RBFOX1: variants seen among roughly 807,000 people sequenced by gnomAD.
RBFOX1 encodes RNA binding protein fox-1 homolog 1.
Under a neutral mutation model 57.7 loss-of-function variants are expected in RBFOX1, and 8 were observed. The observed-to-expected ratio is 0.14, with a 90% CI of 0.08 to 0.25. The LOEUF (loss-of-function observed/expected upper bound fraction) is 0.25. Among genes scored for constraint, RBFOX1 ranks in the 10% least tolerant of loss-of-function variants. The pLI, the probability that RBFOX1 is intolerant of heterozygous loss-of-function variation, is 1.00. For missense variants in RBFOX1, 611 were observed against 548.5 expected (o/e 1.11, Z -1.14); for synonymous variants, 326 against 222.4 (o/e 1.47, Z -4.15).
chr16:6,806,823 T>TATATATAA (rs2086905270), intron 3 of RBFOX1, among the ~76,000 whole-genome samples: 21 of 83,584 alleles, frequency 2.5e-4, no homozygotes, highest in African/African-American at 9.7e-4. Context: ...TATAAATATA[T>TATATATAA]ATATATATAT....
intron 3 of RBFOX1, among the ~76,000 whole-genome samples, chr16:7,003,263 A>T (rs1369719083): frequency 1.3e-5 from 2 of 152,046 alleles, no homozygotes; most frequent in African/African-American, 4.8e-5. Flanking sequence ...GATCAAGACC[A>T]TCCTGGCCAA....
chr16:6,982,913 G>A lies in RBFOX1; in HGVS notation c.-15-69144G>A, dbSNP rs578230612. ...GAGGCTGAGGCAGGGAGAACAACTT[G>A]AACCCAGGAGGTGGAGGTTGCAGTG... On this transcript the variant is annotated intron_variant, in intron 3 of 15. Coordinates refer to ENST00000550418, the MANE Select transcript of RBFOX1 (RefSeq NM_018723.4). Among the ~76,000 whole-genome samples, 7 of 140,194 alleles carry A rather than the reference G, an allele frequency of 5.0e-5. No homozygotes were observed. In the South Asian group the frequency reaches 1.6e-3, roughly 33 times the overall value. 92.0% of individuals were successfully genotyped at this position (140,194 alleles called of 152,430 possible). A position where few individuals can be genotyped will look rare whatever the true frequency, so the allele number is the denominator to read the frequency against.
intron 4 of RBFOX1, among the ~76,000 whole-genome samples, chr16:7,381,852 G>C (rs573632944): frequency 1.3e-5 from 2 of 152,138 alleles, no homozygotes; most frequent in Admixed American, 6.5e-5. Context: ...TGAGTGCTTT[G>C]TTGGGCATTT....
At chr16:5,743,601 G>T (rs548658709) in intron 3 of RBFOX1, among the ~76,000 whole-genome samples, 1 of 152,250 alleles carries the variant, frequency 6.6e-6, no homozygotes, top group East Asian at 1.9e-4. Context: ...TTTCCTGTTT[G>T]CTTGTTTTAA....
intron 3 of RBFOX1, among the ~76,000 whole-genome samples, chr16:6,888,865 A>T (rs1001823689): frequency 2.0e-5 from 3 of 152,006 alleles, no homozygotes; most frequent in African/African-American, 7.2e-5. Context: ...ATCCCTCTTT[A>T]TCCCCTCCTC....
intron 1 of RBFOX1, among the ~76,000 whole-genome samples, chr16:5,251,098 C>T (rs934691764): frequency 6.6e-6 from 1 of 150,486 alleles, no homozygotes; most frequent in African/African-American, 2.4e-5. Flanking sequence ...CAGCCCCTAC[C>T]CACTTGTCCC....
intron 3 of RBFOX1, among the ~76,000 whole-genome samples, chr16:7,033,552 C>G (rs1568459899): frequency 6.6e-6 from 1 of 152,108 alleles, no homozygotes; most frequent in African/African-American, 2.4e-5. Flanking sequence ...TGTGAACGTC[C>G]TTTAAGAGGA....
At chr16:7,690,478 G>A (rs2077078755) in intron 14 of RBFOX1, among the ~76,000 whole-genome samples, 1 of 152,048 alleles carries the variant, frequency 6.6e-6, no homozygotes, top group Non-Finnish European at 1.5e-5. Context: ...AGCCAGACTT[G>A]TTTTATGAAC....
intron 1 of RBFOX1, among the ~76,000 whole-genome samples, chr16:6,271,075 AC>A (rs1444736532): frequency 6.6e-6 from 1 of 152,228 alleles, no homozygotes; most frequent in Non-Finnish European, 1.5e-5. Context: ...ATAAATGAAT[AC>A]ATTAGAGAAG....
At chr16:6,266,823 A>G (rs2074566684) in intron 1 of RBFOX1, among the ~76,000 whole-genome samples, 4 of 152,020 alleles carry the variant, frequency 2.6e-5, no homozygotes, top group Admixed American at 2.6e-4. Context: ...ATGTGTTCCC[A>G]TGGCATTCCC....
chr16:6,852,918 A>G (rs546731145), intron 3 of RBFOX1, among the ~76,000 whole-genome samples: 2 of 152,296 alleles, frequency 1.3e-5, no homozygotes, highest in Admixed American at 1.3e-4. Flanking sequence ...GCTGGGAACT[A>G]GCTGTCCATG....
intron 6 of RBFOX1, among the ~76,000 whole-genome samples, chr16:7,581,615 GTC>G (rs35752230): frequency 0.015 from 2,339 of 152,236 alleles, 71 homozygotes; most frequent in African/African-American, 0.054. Flanking sequence ...GGGATCCTGA[GTC>G]TCTCTAGTCT....
At chr16:6,775,323 CTG>C (rs1205177403) in intron 3 of RBFOX1, among the ~76,000 whole-genome samples, 4 of 111,090 alleles carry the variant, frequency 3.6e-5, no homozygotes, top group Non-Finnish European at 5.1e-5. Context: ...CAGCGAGACT[CTG>C]TCTCAAAAAA....
At chr16:5,973,297 G>A (rs931545436) in intron 4 of RBFOX1, among the ~76,000 whole-genome samples, 2 of 152,196 alleles carry the variant, frequency 1.3e-5, no homozygotes, top group African/African-American at 4.8e-5. Flanking sequence ...ATATGTCTTT[G>A]ATGGTTAGGA....
intron 1 of RBFOX1, among the ~76,000 whole-genome samples, chr16:6,210,317 G>GAAAA (rs796379157): frequency 5.6e-4 from 8 of 14,288 alleles, no homozygotes; most frequent in Non-Finnish European, 1.2e-3. Context: ...AATTCTGTCT[G>GAAAA]AAAAAAAAAA....
At chr16:7,677,132 T>TACACAC (rs59379802) in intron 14 of RBFOX1, among the ~76,000 whole-genome samples, 5,239 of 137,896 alleles carry the variant, frequency 0.038, 307 homozygotes, top group African/African-American at 0.11. Context: ...CACATACACA[T>TACACAC]ACACACACAC....
chr16:6,354,080 C>T (rs1222300857), intron 2 of RBFOX1, among the ~76,000 whole-genome samples: 1 of 151,998 alleles, frequency 6.6e-6, no homozygotes, highest in Admixed American at 6.6e-5. Flanking sequence ...ATTAGCCAGG[C>T]CTGGTGGCAT....
At chr16:6,194,429 A>G (rs1381752302) in intron 1 of RBFOX1, among the ~76,000 whole-genome samples, 3 of 152,138 alleles carry the variant, frequency 2.0e-5, no homozygotes, top group Non-Finnish European at 4.4e-5. Context: ...CAAGCTTAGT[A>G]ACGTGACTTG....
intron 4 of RBFOX1, among the ~76,000 whole-genome samples, chr16:7,411,064 G>A (rs951847625): frequency 3.9e-5 from 6 of 152,112 alleles, no homozygotes; most frequent in Admixed American, 2.6e-4. Context: ...TTGTGCCTCA[G>A]CGTACCGAGT....
Sources: allele counts gnomAD v4.1 joint callset (sites outside exome capture counted in the v4.1 genomes callset), GRCh38; gene constraint gnomAD v4.1.1; transcripts MANE v1.5; gene names NCBI Gene and HGNC (gene_info 2026-07-23, HGNC 2026-07-21).